Variants in NBN observed in about 807,000 individuals in gnomAD.
The protein encoded by NBN is nibrin, also known as Nijmegen breakage syndrome 1 (nibrin).
A neutral mutation model predicts 90.8 loss-of-function variants in NBN; 88 were observed. That is an observed-to-expected ratio of 0.97 (90% CI 0.82 to 1.16). The LOEUF is 1.16. Ranked by LOEUF, NBN falls within the 50% of genes most tolerant of loss-of-function variation. The probability of loss-of-function intolerance (pLI) is 0.00; values close to 1 mark genes in which losing one functional copy is unlikely to be tolerated. For missense variants in NBN, 894 were observed against 869.6 expected (o/e 1.03, Z -0.35); for synonymous variants, 328 against 295.1 (o/e 1.11, Z -1.14).
At position 89,971,163 on chromosome 8, in the gene NBN, A is replaced by C. The variant is rs1328710754; in HGVS notation, c.702+10T>G. ...ATTCTTTAGGAAAATTTAGCTTATAACATAATTACCTGTTTGGCATTCAAA... is the reference window on the plus strand; with the variant it reads ...ATTCTTTAGGAAAATTTAGCTTATACCATAATTACCTGTTTGGCATTCAAA... On this transcript the variant is annotated intron_variant, in intron 6 of 15. Transcript: ENST00000265433. The C allele has an allele frequency of 6.2e-7, 1 of 1,610,330 alleles. No homozygotes were observed. The highest frequency in any genetic ancestry group is 1.1e-5 in the South Asian group (1 of 90,922).
Position 89,980,750 on chromosome 8 carries a change from A to G in NBN, c.464T>C (p.Val155Ala). Residue 155 changes from valine to alanine, a missense_variant, in exon 4 of 16, where the codon GTG (valine) becomes GCG (alanine). Coordinates refer to ENST00000265433, the MANE Select transcript of NBN (RefSeq NM_002485.5). ...TCAACCTACTTTAATGGTAACTTTC[A>G]CTGATACCATGACAAGGTGAGTGCA... is the stretch of plus-strand genomic sequence containing the variant. Reference protein sequence around the residue: ...EECTHLVMVSVKVTIKTICAL... With the variant: ...EECTHLVMVSAKVTIKTICAL... The G allele has an allele frequency of 6.2e-7, 1 of 1,612,788 alleles. No homozygotes were observed. The highest frequency in any genetic ancestry group is 8.5e-7 in the Non-Finnish European group (1 of 1,178,984).
At chr8:89,959,668 C>T (rs1810901782) in intron 8 of NBN, among the ~76,000 whole-genome samples, 1 of 152,196 alleles carries the variant, frequency 6.6e-6, no homozygotes, top group South Asian at 2.1e-4. Flanking sequence ...GTGGGAGGAT[C>T]ACTTGAGCCC....
intron 14 of NBN, among the ~76,000 whole-genome samples, chr8:89,941,148 A>G (rs1809928792): frequency 6.6e-6 from 1 of 152,210 alleles, no homozygotes; most frequent in Non-Finnish European, 1.5e-5. Context: ...CCCAGCAAAT[A>G]TAAAATATTT....
chr8:89,947,435 G>C (rs914492613), intron 12 of NBN, among the ~76,000 whole-genome samples: 2 of 152,068 alleles, frequency 1.3e-5, no homozygotes, highest in Non-Finnish European at 2.9e-5. Flanking sequence ...TTCCAGACCA[G>C]CCTGACCAAC....
chr8:89,963,307 G>C lies in NBN; in HGVS notation c.994+1103C>G, dbSNP rs149009017. 3.5e-3 allele frequency among the ~76,000 whole-genome samples: 528 copies of C among 152,326 alleles called. 2 individuals are homozygous for C. Among genetic ancestry groups the C allele is most frequent in the Non-Finnish European group, 6.2e-3 (420 of 68,018 alleles). On this transcript the variant is annotated intron_variant, in intron 8 of 15. Coordinates refer to ENST00000265433, the MANE Select transcript of NBN (RefSeq NM_002485.5). The stretch of plus-strand genomic sequence containing the variant: ...CATAGTTGCCATTCAATGGACTACA[G>C]TGAATGATGCTCCCCGGAGTGTGCA...
intron 15 of NBN, chr8:89,936,183 T>C (rs1809671232): frequency 3.2e-6 from 1 of 312,760 alleles, no homozygotes; most frequent in African/African-American, 2.3e-5. Context: ...TTCAAGCGAT[T>C]CTCCTGCCTC....
intron 9 of NBN, 159 bp from the exon 10 acceptor site, chr8:89,955,714 T>C (rs1023674383): frequency 3.7e-5 from 13 of 352,442 alleles, no homozygotes; most frequent in Non-Finnish European, 4.8e-5. Flanking sequence ...AGAAAGCAAC[T>C]CCTTTATTAC....
At chr8:89,963,971 A>G (rs1483449728) in intron 8 of NBN, among the ~76,000 whole-genome samples, 1 of 152,152 alleles carries the variant, frequency 6.6e-6, no homozygotes, top group Non-Finnish European at 1.5e-5. Context: ...ATTATCCACC[A>G]CCCAGATCCT....
At chr8:89,940,311 G>A (rs1266625876) in intron 14 of NBN, among the ~76,000 whole-genome samples, 1 of 151,914 alleles carries the variant, frequency 6.6e-6, no homozygotes, top group Non-Finnish European at 1.5e-5. Flanking sequence ...TTTTTGTAGA[G>A]ACAGGGTCTC....
intron 13 of NBN, among the ~76,000 whole-genome samples, chr8:89,945,053 G>C (rs907790849): frequency 2.6e-5 from 4 of 152,156 alleles, no homozygotes; most frequent in Non-Finnish European, 5.9e-5. Flanking sequence ...ACTTTCCAGA[G>C]ATTCATATTA....
At chr8:89,957,093 C>T (rs892570999) in intron 9 of NBN, among the ~76,000 whole-genome samples, 4 of 152,194 alleles carry the variant, frequency 2.6e-5, no homozygotes, top group South Asian at 2.1e-4. Flanking sequence ...TTAGAATGTA[C>T]TCCTTCTTAT....
intron 14 of NBN, among the ~76,000 whole-genome samples, chr8:89,939,124 A>G (rs1431277434): frequency 6.6e-6 from 1 of 152,164 alleles, no homozygotes; most frequent in Non-Finnish European, 1.5e-5. Context: ...AATATCCTAA[A>G]TTCAAGGGAA....
chr8:89,981,616 T>TTG, intron 2 of NBN, 93 bp from the exon 3 acceptor site: 1 of 1,360,610 alleles, frequency 7.3e-7, no homozygotes, highest in Non-Finnish European at 1.0e-6. Flanking sequence ...AATAGGCAGG[T>TTG]GGCTAACCTC....
intron 2 of NBN, chr8:89,981,924 G>A (rs1327410856): frequency 1.3e-5 from 14 of 1,072,032 alleles, no homozygotes; most frequent in Admixed American, 4.1e-5. Context: ...ATGAGAATAC[G>A]AGGTTATAGG....
chr8:89,947,656 A>AAAT lies in NBN; in HGVS notation c.1914+165_1914+167dup, dbSNP rs531725950. Among the ~76,000 whole-genome samples, 17 of 151,834 alleles carry AAAT rather than the reference A, an allele frequency of 1.1e-4. No individual in the cohort carries two copies. In the South Asian group the frequency reaches 1.7e-3, roughly 15 times the overall value. On this transcript the variant is annotated intron_variant, in intron 12 of 15. Transcript: ENST00000265433. ...AAATAAATAAATAAACAAATAAATA[A>AAAT]AATAATAATAATAATAATACCATGA...
intron 11 of NBN, among the ~76,000 whole-genome samples, chr8:89,948,096 G>A (rs1275206117): frequency 6.6e-6 from 1 of 152,124 alleles, no homozygotes; most frequent in Non-Finnish European, 1.5e-5. Flanking sequence ...TATTGAAAGA[G>A]ATACTGCAGT....
chr8:89,984,555 T>G lies in NBN; in HGVS notation c.7A>C (p.Lys3Gln). The G allele has an allele frequency of 6.2e-7, 1 of 1,613,162 alleles. No homozygotes were observed. Among genetic ancestry groups the G allele is most frequent in the Non-Finnish European group, 8.5e-7 (1 of 1,179,794 alleles). The part of the protein sequence containing the change: MW[K>Q]LLPAAGPAGG... ...GCCGGGCCCGCGGCGGGCAGCAGTT[T>G]CCACATCGGTCCGGCTCCTCAGGGC... The change falls in exon 1 of 16, where the codon AAA (lysine) becomes CAA (glutamine). Residue 3 changes from lysine (K) to glutamine (Q), a missense_variant. Physicochemically the swap from Lys to Gln is moderately conservative, Grantham distance 53 (BLOSUM62 1). Transcript: ENST00000265433.
chr8:89,952,300 T>C (rs895553923), intron 11 of NBN, among the ~76,000 whole-genome samples: 1 of 152,068 alleles, frequency 6.6e-6, no homozygotes, highest in Admixed American at 6.5e-5. Context: ...TGAATGAAAA[T>C]CTCTGGGGCT....
intron 5 of NBN, among the ~76,000 whole-genome samples, chr8:89,975,443 C>A (rs1338296142): frequency 1.3e-5 from 2 of 152,194 alleles, no homozygotes; most frequent in East Asian, 1.9e-4. Flanking sequence ...AGTACTCAGA[C>A]AAATAAGCCT....
Sources: allele counts gnomAD v4.1 joint callset (sites outside exome capture counted in the v4.1 genomes callset), GRCh38; gene constraint gnomAD v4.1.1; transcripts MANE v1.5; gene names NCBI Gene and HGNC (gene_info 2026-07-23, HGNC 2026-07-21).